The following PKIB variants were observed in gnomAD, a reference collection of about 807,000 sequenced individuals.
PKIB encodes the protein cAMP-dependent protein kinase inhibitor beta.
In PKIB, 2 loss-of-function variants were observed where a neutral mutation model predicts 4.5. That is an observed-to-expected ratio of 0.44 (90% CI 0.18 to 1.39). The LOEUF (loss-of-function observed/expected upper bound fraction) is 1.39. Ranked by LOEUF, PKIB falls within the 40% of genes most tolerant of loss-of-function variation. PKIB has a pLI of 0.27. For synonymous variants in PKIB, 38 were observed against 36.0 expected, an observed-to-expected ratio of 1.06 and a Z score of -0.20; for missense variants, 94 against 92.6, an observed-to-expected ratio of 1.02 and a Z score of -0.06.
chr6:122,545,922 G>C (rs1043458154), intron 2 of PKIB, among the ~76,000 whole-genome samples: 1 of 151,712 alleles, frequency 6.6e-6, no homozygotes, highest in African/African-American at 2.4e-5. Context: ...GGTTAATGTG[G>C]TTAAGTGTGT....
At chr6:122,474,877 G>A (rs969809334) in intron 1 of PKIB, among the ~76,000 whole-genome samples, 3 of 152,240 alleles carry the variant, frequency 2.0e-5, no homozygotes, top group Admixed American at 6.5e-5. Flanking sequence ...GCAGGATTAC[G>A]AAGCTTATCC....
chr6:122,572,083 T>G (rs1773382225), intron 2 of PKIB, among the ~76,000 whole-genome samples: 1 of 151,764 alleles, frequency 6.6e-6, no homozygotes, highest in Non-Finnish European at 1.5e-5. Flanking sequence ...CATAAACTCA[T>G]GGTAAAGGGG....
chr6:122,562,665 T>C (rs932324204), intron 2 of PKIB, among the ~76,000 whole-genome samples: 1 of 152,196 alleles, frequency 6.6e-6, no homozygotes, highest in African/African-American at 2.4e-5. Context: ...TTATTCTTTT[T>C]TCTTTGTCTT....
chr6:122,590,754 G>C (rs1475996344), intron 3 of PKIB, among the ~76,000 whole-genome samples: 1 of 152,070 alleles, frequency 6.6e-6, no homozygotes, highest in Admixed American at 6.6e-5. Flanking sequence ...GCATGCCCAA[G>C]AAAAAAGGGA....
intron 2 of PKIB, among the ~76,000 whole-genome samples, chr6:122,504,634 G>A (rs1421821488): frequency 6.6e-6 from 1 of 152,102 alleles, no homozygotes; most frequent in Non-Finnish European, 1.5e-5. Flanking sequence ...CACAAATTGT[G>A]TTGCATTTTC....
intron 3 of PKIB, 32 bp from the exon 4 acceptor site, chr6:122,717,753 GCT>G: frequency 1.9e-6 from 3 of 1,605,438 alleles, no homozygotes; most frequent in Non-Finnish European, 2.6e-6. Context: ...TTCTGAATAG[GCT>G]CATCTTCTTC....
intron 2 of PKIB, among the ~76,000 whole-genome samples, chr6:122,556,266 C>G (rs1172793331): frequency 6.6e-6 from 1 of 152,140 alleles, no homozygotes; most frequent in Non-Finnish European, 1.5e-5. Context: ...CTGAGGCCTC[C>G]AAAGCCATGC....
chr6:122,667,677 A>G (rs1007287755), intron 2 of PKIB, among the ~76,000 whole-genome samples: 2 of 152,114 alleles, frequency 1.3e-5, no homozygotes, highest in African/African-American at 4.8e-5. Flanking sequence ...ATAGTTATGG[A>G]AAAAAATTAA....
intron 2 of PKIB, among the ~76,000 whole-genome samples, chr6:122,583,107 G>T (rs1357683076): frequency 6.6e-6 from 1 of 151,842 alleles, no homozygotes; most frequent in Non-Finnish European, 1.5e-5. Context: ...TCTTAAATAG[G>T]TTGATTATGT....
At chr6:122,634,905 G>A (rs1231850341) in intron 2 of PKIB, among the ~76,000 whole-genome samples, 2 of 150,520 alleles carry the variant, frequency 1.3e-5, no homozygotes. Context: ...TCACACCACT[G>A]CACTCCAGCC....
intron 4 of PKIB, among the ~76,000 whole-genome samples, chr6:122,720,555 C>A (rs867781516): frequency 4.6e-5 from 7 of 151,654 alleles, no homozygotes; most frequent in Non-Finnish European, 7.4e-5. Flanking sequence ...AGAGGATGGG[C>A]AATTTTAAGA....
intron 3 of PKIB, among the ~76,000 whole-genome samples, chr6:122,677,570 T>C (rs1777721641): frequency 6.6e-6 from 1 of 152,188 alleles, no homozygotes; most frequent in Admixed American, 6.5e-5. Context: ...TTCTCACCCT[T>C]GGCTATGTAG....
intron 2 of PKIB, among the ~76,000 whole-genome samples, chr6:122,645,594 G>A (rs1207491744): frequency 1.3e-5 from 2 of 152,236 alleles, no homozygotes; most frequent in African/African-American, 4.8e-5. Flanking sequence ...CACAGATTGT[G>A]GGTCCCAAGG....
chr6:122,705,178 A>G (rs1779004412), intron 3 of PKIB, among the ~76,000 whole-genome samples: 2 of 152,194 alleles, frequency 1.3e-5, no homozygotes, highest in Admixed American at 6.5e-5. Context: ...TTTCTCCACC[A>G]ATATCTAATT....
chr6:122,590,908 G>A (rs1469672713), intron 3 of PKIB, among the ~76,000 whole-genome samples: 1 of 152,078 alleles, frequency 6.6e-6, no homozygotes, highest in Non-Finnish European at 1.5e-5. Flanking sequence ...AAAAGGGATT[G>A]AGATAAAAGT....
chr6:122,660,156 C>A lies in PKIB; in HGVS notation c.-75-14922C>A, dbSNP rs1171833478. 2.0e-5 allele frequency among the ~76,000 whole-genome samples: 3 copies of A among 152,192 alleles called. No homozygotes were observed. The East Asian group carries it at 5.8e-4, about 29-fold the overall frequency. On this transcript the variant is annotated intron_variant, in intron 2 of 4. Transcript: ENST00000368452. ...GCAGAGCCTGGTGGATTCTGACATA[C>A]ATGAGAAAAGCCCCCACCAATTAAG...
At chr6:122,716,824 G>A (rs183428767) in intron 3 of PKIB, among the ~76,000 whole-genome samples, 52 of 152,190 alleles carry the variant, frequency 3.4e-4, no homozygotes, top group Admixed American at 2.6e-3. Flanking sequence ...AATACTTAGT[G>A]CATTCTGTGT....
chr6:122,587,019 A>G (rs1419987614), intron 3 of PKIB, among the ~76,000 whole-genome samples: 2 of 151,902 alleles, frequency 1.3e-5, no homozygotes, highest in Non-Finnish European at 2.9e-5. Flanking sequence ...AAACTAAATA[A>G]GCAATGTGGT....
intron 1 of PKIB, among the ~76,000 whole-genome samples, chr6:122,627,501 C>G (rs1775505071): frequency 6.6e-6 from 1 of 152,206 alleles, no homozygotes; most frequent in Admixed American, 6.5e-5. Flanking sequence ...ATCACACTCA[C>G]TGAATACCTG....
Sources: allele counts gnomAD v4.1 joint callset (sites outside exome capture counted in the v4.1 genomes callset), GRCh38; gene constraint gnomAD v4.1.1; transcripts MANE v1.5; gene names NCBI Gene and HGNC (gene_info 2026-07-23, HGNC 2026-07-21).